TRPV1: variants seen among roughly 807,000 people sequenced by gnomAD.
TRPV1 encodes the protein OTRPC1.
Under a neutral mutation model 82.3 loss-of-function variants are expected in TRPV1, and 82 were observed. That is an observed-to-expected ratio of 1.00 (90% CI 0.83 to 1.20). The LOEUF (loss-of-function observed/expected upper bound fraction) is 1.20. TRPV1 is among the 50% of genes most tolerant of loss of function. The pLI is 0.00. For synonymous variants in TRPV1, 515 were observed against 467.7 expected, an observed-to-expected ratio of 1.10 and a Z score of -1.30; for missense variants, 1,067 against 1,096.8, an observed-to-expected ratio of 0.97 and a Z score of 0.38.
chr17:3,580,534 G>A lies in TRPV1; in HGVS notation c.1477-7C>T, dbSNP rs925707686. On this transcript the variant is annotated splice_region_variant and splice_polypyrimidine_tract_variant and intron_variant, in intron 10 of 16. Coordinates refer to ENST00000572705, the MANE Select transcript of TRPV1 (RefSeq NM_080704.4). ...TCTGCAGGAAATACTGAATCTGCAG[G>A]TAAACAGAGAGAGTAAGATCCCAGG... is the stretch of plus-strand genomic sequence containing the variant. The A allele has an allele frequency of 6.2e-7, 1 of 1,613,950 alleles. No individual in the cohort carries two copies. The highest frequency in any genetic ancestry group is 1.1e-5 in the South Asian group (1 of 91,088).
At position 3,591,114 on chromosome 17, in the gene TRPV1, G is replaced by T. The variant is rs772859408; in HGVS notation, c.454C>A (p.Pro152Thr). The T allele has an allele frequency of 1.9e-6, 3 of 1,612,000 alleles. No individual in the cohort carries two copies. Among genetic ancestry groups the T allele is most frequent in the Admixed American group, 1.7e-5 (1 of 59,580 alleles). Reference protein sequence around the residue: ...KHLTDNEFKDPETGKTCLLKA... With the variant: ...KHLTDNEFKDTETGKTCLLKA... ...AGCAGACAGGTCTTCCCTGTCTCAGGGTCTGAAAGACATAAGGGAGGGTCA... is the reference window on the plus strand; with the variant it reads ...AGCAGACAGGTCTTCCCTGTCTCAGTGTCTGAAAGACATAAGGGAGGGTCA... The change falls in exon 5 of 17, where the codon CCT becomes ACT. Residue 152 changes from proline to threonine, a missense_variant and splice_region_variant. Physicochemically the swap from Pro to Thr is conservative, Grantham distance 38 (BLOSUM62 -1). Transcript: ENST00000572705.
At chr17:3,582,008 G>A (rs561201887) in intron 10 of TRPV1, among the ~76,000 whole-genome samples, 10 of 147,212 alleles carry the variant, frequency 6.8e-5, no homozygotes, top group South Asian at 2.2e-4. Context: ...GGCTAACACG[G>A]TGAAACCCCG....
At chr17:3,598,634 C>T (rs1310005427) in intron 2 of TRPV1, among the ~76,000 whole-genome samples, 2 of 147,536 alleles carry the variant, frequency 1.4e-5, no homozygotes, top group East Asian at 2.0e-4. Flanking sequence ...GGCGCAATCT[C>T]GGCTCACTGC....
At chr17:3,574,972 G>A (rs2074910613) in intron 13 of TRPV1, among the ~76,000 whole-genome samples, 1 of 149,220 alleles carries the variant, frequency 6.7e-6, no homozygotes, top group Non-Finnish European at 1.5e-5. Flanking sequence ...ACAGGAGCCA[G>A]CTGGAAGGGA....
chr17:3,607,548 T>G (rs2075304187), intron 2 of TRPV1, among the ~76,000 whole-genome samples: 2 of 150,894 alleles, frequency 1.3e-5, no homozygotes, highest in African/African-American at 2.4e-5. Context: ...ATTTTTTTTT[T>G]TTTTTTGAGG....
intron 13 of TRPV1, among the ~76,000 whole-genome samples, chr17:3,576,668 A>AAAAAAAAAATATATATATATATATATAT: frequency 2.6e-5 from 1 of 38,426 alleles, no homozygotes; most frequent in South Asian, 1.3e-3. Flanking sequence ...AAAAAAAAAA[A>AAAAAAAAAATATATATATATATATATAT]ATATATATAT....
intron 14 of TRPV1, among the ~76,000 whole-genome samples, chr17:3,573,021 A>G (rs552821287): frequency 6.6e-6 from 1 of 151,258 alleles, no homozygotes; most frequent in African/African-American, 2.4e-5. Context: ...GAACAGTAAT[A>G]GAATCCACTT....
Position 3,566,826 on chromosome 17 carries a change from C to G in TRPV1, c.2509G>C (p.Gly837Arg). The change falls in exon 17 of 17, where the codon GGG becomes CGG. Residue 837 changes from glycine (G) to arginine (R), a missense_variant. Transcript: ENST00000572705. ...TCTGCGTGACGTCCTCACTTCTCCC[C>G]GGAAGCGGCAGGACTCTTGAAGACC... Reference protein sequence around the residue: ...AEVFKSPAASGEK With the variant: ...AEVFKSPAASREK 3 of 1,613,746 alleles carry G rather than the reference C, an allele frequency of 1.9e-6. No individual in the cohort carries two copies. Among genetic ancestry groups the G allele is most frequent in the Non-Finnish European group, 2.5e-6 (3 of 1,179,804 alleles).
intron 2 of TRPV1, among the ~76,000 whole-genome samples, chr17:3,594,504 C>T (rs1567673582): frequency 6.6e-6 from 1 of 152,154 alleles, no homozygotes; most frequent in Non-Finnish European, 1.5e-5. Flanking sequence ...AACACAGAGG[C>T]AGCCTCACCA....
At chr17:3,572,064 G>A (rs2074861040) in intron 15 of TRPV1, 58 bp downstream of exon 15, 4 of 1,588,212 alleles carry the variant, frequency 2.5e-6, no homozygotes, top group East Asian at 4.5e-5. Flanking sequence ...CAGGCTCTGT[G>A]TCCACAGGTG....
At chr17:3,584,989 C>G (rs1321228351) in intron 9 of TRPV1, among the ~76,000 whole-genome samples, 14 of 152,056 alleles carry the variant, frequency 9.2e-5, no homozygotes. Context: ...CAGAGCTGCT[C>G]AAAAGTCTAA....
chr17:3,604,814 C>T (rs1229994761), intron 2 of TRPV1, among the ~76,000 whole-genome samples: 4 of 152,010 alleles, frequency 2.6e-5, no homozygotes, highest in African/African-American at 4.8e-5. Context: ...TTTACAGCCT[C>T]CTGTCTCCCA....
chr17:3,606,102 G>C (rs2075294604), intron 2 of TRPV1, among the ~76,000 whole-genome samples: 2 of 152,116 alleles, frequency 1.3e-5, no homozygotes, highest in African/African-American at 4.8e-5. Flanking sequence ...GAGATTACAG[G>C]TGCCGACCAC....
chr17:3,606,805 G>C (rs1371074478), intron 2 of TRPV1, among the ~76,000 whole-genome samples: 1 of 152,134 alleles, frequency 6.6e-6, no homozygotes, highest in African/African-American at 2.4e-5. Context: ...AGAGAGTTCC[G>C]GGGCCACACC....
At chr17:3,605,162 TTTTG>T (rs752672378) in intron 2 of TRPV1, among the ~76,000 whole-genome samples, 1 of 152,142 alleles carries the variant, frequency 6.6e-6, no homozygotes, top group Non-Finnish European at 1.5e-5. Context: ...TACTTAACTT[TTTTG>T]TTTATCTATC....
intron 2 of TRPV1, among the ~76,000 whole-genome samples, chr17:3,605,610 C>T (rs1227675167): frequency 6.6e-6 from 1 of 152,066 alleles, no homozygotes; most frequent in Non-Finnish European, 1.5e-5. Flanking sequence ...CGTTAGTAAC[C>T]ATGGATGGAA....
intron 8 of TRPV1, 26 bp downstream of exon 8, chr17:3,588,162 T>A (rs199997956): frequency 1.9e-6 from 3 of 1,544,978 alleles, no homozygotes; most frequent in South Asian, 1.2e-5. Context: ...CCTGAGGCCC[T>A]CCCTGGCTGT....
intron 10 of TRPV1, among the ~76,000 whole-genome samples, 189 bp downstream of exon 10, chr17:3,583,149 C>T (rs575450583): frequency 3.3e-5 from 5 of 152,254 alleles, no homozygotes; most frequent in South Asian, 2.1e-4. Flanking sequence ...CCTGTGGAGA[C>T]GCCCTGAGCA....
intron 11 of TRPV1, 87 bp from the exon 12 acceptor site, chr17:3,577,850 GTCC>G: frequency 7.5e-7 from 1 of 1,334,118 alleles, no homozygotes; most frequent in Non-Finnish European, 1.0e-6. Context: ...CCGCTCAGAG[GTCC>G]AGACTGCAGG....
Sources: allele counts gnomAD v4.1 joint callset (sites outside exome capture counted in the v4.1 genomes callset), GRCh38; gene constraint gnomAD v4.1.1; transcripts MANE v1.5; gene names NCBI Gene and HGNC (gene_info 2026-07-23, HGNC 2026-07-21).